CHRNB4: variants seen among roughly 807,000 people sequenced by gnomAD.
CHRNB4 encodes neuronal acetylcholine receptor subunit beta-4.
In CHRNB4, 23 loss-of-function variants were observed where a neutral mutation model predicts 40.4. The observed-to-expected ratio is 0.57, with a 90% CI of 0.41 to 0.81. The LOEUF is 0.81. CHRNB4 is among the 30% of genes least tolerant of loss of function. CHRNB4 has a pLI of 0.00. For synonymous variants in CHRNB4, 285 were observed against 274.4 expected (o/e 1.04, Z -0.38); for missense variants, 568 against 670.6 (o/e 0.85, Z 1.69).
chr15:78,649,074 G>A (rs1023365572), intron 7 of CHRNB4, among the ~76,000 whole-genome samples: 7 of 152,110 alleles, frequency 4.6e-5, no homozygotes, highest in South Asian at 2.1e-4. Flanking sequence ...CACCGCTCCC[G>A]GCAGTTCATA....
upstream of CHRNB4, chr15:78,661,349 TC>T: frequency 1.8e-6 from 1 of 554,138 alleles, no homozygotes. Context: ...CCGCACATCA[TC>T]CATTATGGTC....
At chr15:78,652,312 G>T (rs2054179495) in intron 6 of CHRNB4, among the ~76,000 whole-genome samples, 1 of 151,810 alleles carries the variant, frequency 6.6e-6, no homozygotes, top group Admixed American at 6.6e-5. Flanking sequence ...TAGATCACTG[G>T]CTGCTTTATA....
upstream of CHRNB4, among the ~76,000 whole-genome samples, chr15:78,643,269 T>A (rs2054097134): frequency 6.6e-6 from 1 of 151,748 alleles, no homozygotes; most frequent in African/African-American, 2.4e-5. Flanking sequence ...GTTTTTTTTT[T>A]GAGACAGGGT....
Position 78,641,166 on chromosome 15 carries a change from C to T in CHRNB4, c.-33G>A. 6.5e-7 allele frequency: 1 copy of T among 1,535,678 alleles called. No homozygotes were observed. The highest frequency in any genetic ancestry group is 8.8e-7 in the Non-Finnish European group (1 of 1,141,634). On this transcript the variant is annotated 5_prime_UTR_variant, in exon 1 of 6. Coordinates refer to ENST00000261751, the MANE Select transcript of CHRNB4 (RefSeq NM_000750.5). ...GGGGCCGGGTGGCAGCCGCCGCGAG[C>T]TCCGCTGTGGGGTCACAGGGCACCC...
Position 78,631,199 on chromosome 15 carries a change from C to CA in CHRNB4, c.250-15dup, listed in dbSNP as rs1362047481. The CA allele has an allele frequency of 1.9e-6, 3 of 1,613,356 alleles. No homozygotes were observed. The highest frequency in any genetic ancestry group is 2.7e-5 in the African/African-American group (2 of 74,926). ...ATCAGTCCATTCCTGGACAGACAGG[C>CA]AAGGCCCTGTCACTTGCAGGTCCAC... On this transcript the variant is annotated splice_polypyrimidine_tract_variant and intron_variant, in intron 3 of 5. Transcript: ENST00000261751.
chr15:78,640,323 T>G (rs1464468484), intron 1 of CHRNB4, among the ~76,000 whole-genome samples: 1 of 152,140 alleles, frequency 6.6e-6, no homozygotes. Flanking sequence ...GAGAAGGCAG[T>G]CCTCACATTT....
rs747670918 is a variant in CHRNB4 at position 78,625,191 on chromosome 15, G to A, written c.1439C>T (p.Pro480Leu). ...AGCTGCATGGGTCTGGAAGAGGGGC[G>A]GTAGGAAGAGCCCCACAGTGCCCAG... ...CVLGTVGLFLPPLFQTHAASE... is the reference protein window; with the variant it reads ...CVLGTVGLFLLPLFQTHAASE... Residue 480 changes from proline to leucine, a missense_variant, in exon 6 of 6, where the codon CCG (proline) becomes CTG (leucine). Physicochemically the swap from Pro to Leu is moderately conservative, Grantham distance 98. Coordinates refer to ENST00000261751, the MANE Select transcript of CHRNB4 (RefSeq NM_000750.5). The A allele has an allele frequency of 1.2e-5, 20 of 1,610,516 alleles. No individual in the cohort carries two copies. Among genetic ancestry groups the A allele is most frequent in the South Asian group, 2.2e-5 (2 of 90,878 alleles).
intron 2 of CHRNB4, among the ~76,000 whole-genome samples, chr15:78,632,405 T>C (rs920285141): frequency 6.6e-6 from 1 of 151,988 alleles, no homozygotes; most frequent in Non-Finnish European, 1.5e-5. Context: ...CCTCCCAGGC[T>C]CAAGCGATCC....
chr15:78,650,721 A>G (rs1376256752), intron 6 of CHRNB4, among the ~76,000 whole-genome samples: 1 of 152,206 alleles, frequency 6.6e-6, no homozygotes, highest in Admixed American at 6.5e-5. Context: ...CTGCCGGTGT[A>G]CAGCAAGTCA....
chr15:78,646,571 T>C (rs76154558), intron 7 of CHRNB4, among the ~76,000 whole-genome samples: 7,782 of 152,216 alleles, frequency 0.051, 683 homozygotes, highest in African/African-American at 0.18. Context: ...GCCACCATGG[T>C]CGGCTCTTGG....
At chr15:78,647,688 TCCAAA>T (rs1168910220) in intron 7 of CHRNB4, among the ~76,000 whole-genome samples, 1 of 60,470 alleles carries the variant, frequency 1.7e-5, no homozygotes, top group African/African-American at 5.2e-5. Flanking sequence ...CTACTAAAAA[TCCAAA>T]AAAAAAAAAA....
At chr15:78,640,710 T>A (rs1479920286) in intron 1 of CHRNB4, among the ~76,000 whole-genome samples, 1 of 152,226 alleles carries the variant, frequency 6.6e-6, no homozygotes, top group African/African-American at 2.4e-5. Flanking sequence ...CTCGGCCCTG[T>A]TGGGAGCGGG....
chr15:78,645,904 A>T (rs1277881395), upstream of CHRNB4, among the ~76,000 whole-genome samples: 3 of 152,038 alleles, frequency 2.0e-5, no homozygotes, highest in Non-Finnish European at 4.4e-5. Flanking sequence ...CTAAAAATAT[A>T]AAAAAATTAG....
At chr15:78,643,993 CAAAAAAAA>C (rs34477808), upstream of CHRNB4, among the ~76,000 whole-genome samples, 1 of 115,956 alleles carries the variant, frequency 8.6e-6, no homozygotes, top group African/African-American at 2.9e-5. Context: ...ACTAAAAATA[CAAAAAAAA>C]AAAAAAAAAA....
chr15:78,661,141 G>A, upstream of CHRNB4: 1 of 622,554 alleles, frequency 1.6e-6, no homozygotes, highest in East Asian at 4.2e-5. Flanking sequence ...CGGCGTTCCT[G>A]GGGCCTTGCC....
intron 7 of CHRNB4, among the ~76,000 whole-genome samples, chr15:78,647,848 A>G (rs2054138265): frequency 8.1e-6 from 1 of 123,846 alleles, no homozygotes; most frequent in African/African-American, 3.2e-5. Flanking sequence ...CAACAGAGCG[A>G]GAGACTCCAT....
intron 1 of CHRNB4, among the ~76,000 whole-genome samples, chr15:78,636,929 T>C (rs1299528377): frequency 6.6e-6 from 1 of 152,214 alleles, no homozygotes; most frequent in Non-Finnish European, 1.5e-5. Flanking sequence ...AGCAGCCCCA[T>C]TACTCACATG....
At chr15:78,633,032 G>T (rs781357335) in intron 2 of CHRNB4, among the ~76,000 whole-genome samples, 1 of 152,096 alleles carries the variant, frequency 6.6e-6, no homozygotes, top group Non-Finnish European at 1.5e-5. Context: ...CAGGGTCTAC[G>T]GGGCCTTGCC....
In CHRNB4 at chr15:78,629,592, T is replaced by C. The variant is rs1258157775; in HGVS notation, c.713A>G (p.Asn238Ser). The C allele has an allele frequency of 1.2e-6, 2 of 1,613,608 alleles. No homozygotes were observed. Among genetic ancestry groups the C allele is most frequent in the Admixed American group, 1.7e-5 (1 of 59,964 alleles). Residue 238 changes from asparagine to serine, a missense_variant, in exon 5 of 6, where the codon AAC becomes AGC. By Grantham distance (46) the Asn-to-Ser change is conservative. Around this residue, in one of 4 missense-constraint regions of CHRNB4, gnomAD observed 38 missense variants for 80.3 expected, o/e 0.47. Coordinates refer to ENST00000261751, the MANE Select transcript of CHRNB4 (RefSeq NM_000750.5). The surrounding 1 kb of genome is among the most constrained non-coding windows in gnomAD (Gnocchi z 6.8). ...GGTGAGCACGCAGGGGATGATGAGGTTGATGGTGTAGAACAGAGGCTTGCG... is the reference window on the plus strand; with the variant it reads ...GGTGAGCACGCAGGGGATGATGAGGCTGATGGTGTAGAACAGAGGCTTGCG... ...IKRKPLFYTI[N>S]LIIPCVLTTL...
Sources: allele counts gnomAD v4.1 joint callset (sites outside exome capture counted in the v4.1 genomes callset), GRCh38; gene constraint gnomAD v4.1.1; regional missense constraint gnomAD v4.1.1; non-coding constraint Gnocchi (gnomAD v3.1); transcripts MANE v1.5; gene names NCBI Gene and HGNC (gene_info 2026-07-23, HGNC 2026-07-21).